KIAA0825: variants seen among roughly 807,000 people sequenced by gnomAD.
KIAA0825 encodes the protein KIAA0825.
A neutral mutation model predicts 147.6 loss-of-function variants in KIAA0825; 119 were observed. That is an observed-to-expected ratio of 0.81 (90% CI 0.69 to 0.94). The LOEUF is 0.94. Among genes scored for constraint, KIAA0825 ranks in the 40% least tolerant of loss-of-function variants. The probability of loss-of-function intolerance (pLI) is 0.00; values close to 1 mark genes in which losing one functional copy is unlikely to be tolerated. For missense variants in KIAA0825, 1,381 were observed against 1,472.7 expected, an observed-to-expected ratio of 0.94 and a Z score of 1.02; for synonymous variants, 470 against 518.1, an observed-to-expected ratio of 0.91 and a Z score of 1.26.
At chr5:94,273,663 A>T (rs982890462) in intron 20 of KIAA0825, among the ~76,000 whole-genome samples, 2 of 152,098 alleles carry the variant, frequency 1.3e-5, no homozygotes, top group African/African-American at 4.8e-5. Flanking sequence ...CAGCTCAGCG[A>T]ATTTCTTAAA....
chr5:94,271,273 C>T (rs1776970075), intron 20 of KIAA0825, among the ~76,000 whole-genome samples: 1 of 152,074 alleles, frequency 6.6e-6, no homozygotes, highest in Admixed American at 6.6e-5. Context: ...AATGGGATCA[C>T]ATCAAGTTAA....
At position 94,558,084 on chromosome 5, in the gene KIAA0825, G is replaced by A. The variant is rs187995426; in HGVS notation, c.-1-20957C>T. Reference sequence around the variant, plus strand: ...AATTGAGCTGAACACTAGTCACTTCGTTCCACGGTTCTCTTCTATGACCCA... The same window carrying A: ...AATTGAGCTGAACACTAGTCACTTCATTCCACGGTTCTCTTCTATGACCCA... On this transcript the variant is annotated intron_variant, in intron 2 of 20. Transcript: ENST00000682413. Among the ~76,000 whole-genome samples, 231 of 152,240 alleles carry A rather than the reference G, an allele frequency of 1.5e-3. 1 individual carries two copies. The highest frequency in any genetic ancestry group is 5.3e-3 in the African/African-American group (220 of 41,536).
intron 20 of KIAA0825, among the ~76,000 whole-genome samples, chr5:94,307,626 C>T (rs943662919): frequency 1.3e-5 from 2 of 151,594 alleles, no homozygotes; most frequent in Admixed American, 6.6e-5. Context: ...TCTACACTAA[C>T]AACTATCCCT....
chr5:94,441,314 T>G (rs1757052292), intron 13 of KIAA0825, among the ~76,000 whole-genome samples: 1 of 152,134 alleles, frequency 6.6e-6, no homozygotes, highest in Admixed American at 6.6e-5. Flanking sequence ...TCAACAATCT[T>G]TCTCCAGGAG....
chr5:94,350,996 C>T (rs1461215444), intron 20 of KIAA0825, among the ~76,000 whole-genome samples: 1 of 151,596 alleles, frequency 6.6e-6, no homozygotes, highest in African/African-American at 2.4e-5. Context: ...AAGTGATTCT[C>T]CTGCCTCAGC....
At chr5:94,562,328 C>A (rs1777702816) in intron 2 of KIAA0825, among the ~76,000 whole-genome samples, 1 of 152,116 alleles carries the variant, frequency 6.6e-6, no homozygotes, top group East Asian at 1.9e-4. Context: ...TTTTGGATTT[C>A]TTCAAATTAA....
intron 5 of KIAA0825, among the ~76,000 whole-genome samples, chr5:94,500,722 T>C (rs777645945): frequency 2.6e-5 from 4 of 152,174 alleles, no homozygotes; most frequent in Admixed American, 6.5e-5. Context: ...GGAATCATCA[T>C]GATAAACAAA....
At chr5:94,396,559 C>G in intron 16 of KIAA0825, 50 bp from the exon 17 acceptor site, 1 of 1,406,662 alleles carries the variant, frequency 7.1e-7, no homozygotes, top group Non-Finnish European at 9.4e-7. Context: ...TGCGTTCAAT[C>G]ACTGCATGGT....
chr5:94,578,861 C>T (rs886948048), intron 2 of KIAA0825, among the ~76,000 whole-genome samples: 1 of 152,060 alleles, frequency 6.6e-6, no homozygotes, highest in Non-Finnish European at 1.5e-5. Context: ...CACTGCTGGC[C>T]TGAAGATTAT....
At chr5:94,173,516 A>T (rs1269892019) in intron 20 of KIAA0825, among the ~76,000 whole-genome samples, 1 of 152,110 alleles carries the variant, frequency 6.6e-6, no homozygotes, top group East Asian at 1.9e-4. Flanking sequence ...ATAACATGGC[A>T]GCTCCCCGTT....
intron 2 of KIAA0825, among the ~76,000 whole-genome samples, chr5:94,555,740 T>C (rs1776414918): frequency 6.6e-6 from 1 of 152,186 alleles, no homozygotes; most frequent in Non-Finnish European, 1.5e-5. Context: ...ATCCTAGCCA[T>C]CTCTTGCTTT....
chr5:94,172,727 C>G (rs1361523552), intron 20 of KIAA0825, among the ~76,000 whole-genome samples: 1 of 152,022 alleles, frequency 6.6e-6, no homozygotes, highest in Non-Finnish European at 1.5e-5. Context: ...TATGGACCTA[C>G]TATACTTACG....
At chr5:94,193,308 GA>G (rs1459735643) in intron 20 of KIAA0825, among the ~76,000 whole-genome samples, 1 of 152,148 alleles carries the variant, frequency 6.6e-6, no homozygotes, top group East Asian at 1.9e-4. Context: ...ATGCCACATT[GA>G]AAAGTCACAC....
At chr5:94,422,645 G>T (rs527534996) in intron 14 of KIAA0825, among the ~76,000 whole-genome samples, 3 of 151,878 alleles carry the variant, frequency 2.0e-5, no homozygotes, top group African/African-American at 7.3e-5. Flanking sequence ...TCTAACTCCC[G>T]TTTTTCTTTC....
chr5:94,176,025 C>T (rs1270447461), intron 20 of KIAA0825, among the ~76,000 whole-genome samples: 3 of 152,040 alleles, frequency 2.0e-5, no homozygotes, highest in Non-Finnish European at 2.9e-5. Flanking sequence ...TTTTTTATTG[C>T]TAAATCCCCT....
In KIAA0825 at chr5:94,464,907, A is replaced by G. The variant is rs1191243199; in HGVS notation, c.2025T>C (p.Ala675=). ...TTCTTTTACGGCTGGGGTGGGCCCGAGCGTATCTGGAGGCCAGTAGACTCA... is the reference window on the plus strand; with the variant it reads ...TTCTTTTACGGCTGGGGTGGGCCCGGGCGTATCTGGAGGCCAGTAGACTCA... ...KSLSLLASRY[A]RAHPSRKRTP... Residue 675 remains alanine (A), a synonymous_variant, in exon 11 of 21, where the codon GCT becomes GCC. Transcript: ENST00000682413. 4 of 1,551,520 alleles carry G rather than the reference A, an allele frequency of 2.6e-6. No homozygotes were observed. The highest frequency in any genetic ancestry group is 3.5e-6 in the Non-Finnish European group (4 of 1,146,970).
intron 16 of KIAA0825, among the ~76,000 whole-genome samples, chr5:94,399,439 C>T (rs17083637): frequency 0.033 from 5,010 of 152,072 alleles, 252 homozygotes; most frequent in African/African-American, 0.12. Context: ...TTATAAACTC[C>T]GAGGACTATG....
In KIAA0825 at chr5:94,595,489, G is replaced by A. The variant is rs182826118; in HGVS notation, c.-152-12906C>T. Among the ~76,000 whole-genome samples the A allele has an allele frequency of 1.8e-4, 28 of 152,290 alleles. 1 individual carries two copies. In the East Asian group the frequency reaches 3.7e-3, roughly 20 times the overall value. ...CAGCAAAGCCATGGGCCAAGCCCAC[G>A]AAACCATTTTTTCCTCCTAGGCTTC... On this transcript the variant is annotated intron_variant, in intron 1 of 20. Coordinates refer to ENST00000682413, the MANE Select transcript of KIAA0825 (RefSeq NM_001145678.3).
chr5:94,482,089 T>G (rs1762555280), intron 6 of KIAA0825, among the ~76,000 whole-genome samples: 1 of 151,950 alleles, frequency 6.6e-6, no homozygotes, highest in Non-Finnish European at 1.5e-5. Flanking sequence ...GTGACAAAAA[T>G]AGAAAACCAT....
Sources: allele counts gnomAD v4.1 joint callset (sites outside exome capture counted in the v4.1 genomes callset), GRCh38; gene constraint gnomAD v4.1.1; transcripts MANE v1.5; gene names NCBI Gene and HGNC (gene_info 2026-07-23, HGNC 2026-07-21).